PDCD6: variants seen among roughly 807,000 people sequenced by gnomAD.
The protein encoded by PDCD6 is programmed cell death 6, also known as programmed cell death protein 6.
A neutral mutation model predicts 28.3 loss-of-function variants in PDCD6; 12 were observed. The ratio of observed to expected loss-of-function variants is 0.42; its 90% CI spans 0.27 to 0.69. The LOEUF (loss-of-function observed/expected upper bound fraction) is 0.69. Ranked by LOEUF, PDCD6 falls within the 30% of genes least tolerant of loss-of-function variation. The pLI is 0.22. For missense variants in PDCD6, 226 were observed against 269.9 expected, an observed-to-expected ratio of 0.84 and a Z score of 1.14; for synonymous variants, 92 against 108.0, an observed-to-expected ratio of 0.85 and a Z score of 0.92.
chr5:287,314 A>T (rs1739033092), intron 2 of PDCD6, among the ~76,000 whole-genome samples: 1 of 152,138 alleles, frequency 6.6e-6, no homozygotes, highest in Non-Finnish European at 1.5e-5. Context: ...CACGGAGCCG[A>T]TGTTAGGGAA....
rs879427862 is a variant in PDCD6 at position 305,170 on chromosome 5, C to T, written c.208+949C>T. 6.6e-6 allele frequency: 1 copy of T among 152,406 alleles called. No individual in the cohort carries two copies. Among genetic ancestry groups the T allele is most frequent in the Admixed American group, 6.5e-5 (1 of 15,280 alleles). 9.4% of individuals were successfully genotyped at this position (152,406 alleles called of 1,614,324 possible). A position where few individuals can be genotyped will look rare whatever the true frequency, so the allele number is the denominator to read the frequency against. The stretch of plus-strand genomic sequence containing the variant: ...ACCCGACTTGATTTCTGGAAGGTTC[C>T]CTTTGCTGGGAGGTGCAGCCCCCTT... On this transcript the variant is annotated intron_variant, in intron 3 of 5. Transcript: ENST00000264933. This position sits in a 1 kb window ranked among gnomAD's most constrained non-coding sequence, Gnocchi z 4.0.
chr5:303,191 ATG>A (rs1740220482), intron 2 of PDCD6, among the ~76,000 whole-genome samples: 1 of 151,868 alleles, frequency 6.6e-6, no homozygotes, highest in East Asian at 1.9e-4. Context: ...CTAAGGGACC[ATG>A]CCAGCAGACC....
intron 2 of PDCD6, among the ~76,000 whole-genome samples, chr5:299,448 C>G (rs559374459): frequency 1.3e-5 from 2 of 151,362 alleles, no homozygotes; most frequent in East Asian, 4.0e-4. Context: ...GTGCTGATCT[C>G]TCGTTCCCAA....
chr5:298,168 G>C (rs73734207), intron 2 of PDCD6, among the ~76,000 whole-genome samples: 5 of 152,126 alleles, frequency 3.3e-5, no homozygotes, highest in South Asian at 2.1e-4. Flanking sequence ...GGCACGGGTC[G>C]AGCTGGAGAA....
chr5:299,588 C>G (rs1180226311), intron 2 of PDCD6, among the ~76,000 whole-genome samples: 1 of 150,424 alleles, frequency 6.6e-6, no homozygotes, highest in Non-Finnish European at 1.5e-5. Flanking sequence ...CTCACTTTGT[C>G]GCCCAGGCTG....
rs571179708 is a variant in PDCD6 at position 299,710 on chromosome 5, T to C, written c.164-4467T>C. 1.3e-3 allele frequency among the ~76,000 whole-genome samples: 201 copies of C among 152,226 alleles called. 1 individual carries two copies. Among genetic ancestry groups the C allele is most frequent in the Non-Finnish European group, 2.2e-3 (152 of 68,016 alleles). On this transcript the variant is annotated intron_variant, in intron 2 of 5. Coordinates refer to ENST00000264933, the MANE Select transcript of PDCD6 (RefSeq NM_013232.4). The stretch of plus-strand genomic sequence containing the variant: ...GACTACAGGCACACGCCGCCATGCC[T>C]GGCTAATTTTTTGTATTTTTAGTAG...
intron 5 of PDCD6, among the ~76,000 whole-genome samples, chr5:313,229 GTTT>G (rs1314489817): frequency 6.6e-6 from 1 of 152,160 alleles, no homozygotes; most frequent in Non-Finnish European, 1.5e-5. Context: ...CCTCAAAAAC[GTTT>G]TTATTTATCT....
At chr5:288,967 C>G in intron 2 of PDCD6, 1 of 1,422,114 alleles carries the variant, frequency 7.0e-7, no homozygotes, top group African/African-American at 1.4e-5. Context: ...TCAGAAGAAC[C>G]ACTACTTTCA....
intron 2 of PDCD6, among the ~76,000 whole-genome samples, chr5:280,302 A>G (rs1487749147): frequency 6.8e-6 from 1 of 147,528 alleles, no homozygotes; most frequent in East Asian, 1.9e-4. Context: ...TCCGGCAGGA[A>G]GGGAACAGCA....
rs897304187 is a variant in PDCD6, at chr5:307,878, G to A, written c.367+1118G>A. On this transcript the variant is annotated intron_variant, in intron 4 of 5. Coordinates refer to ENST00000264933, the MANE Select transcript of PDCD6 (RefSeq NM_013232.4). The surrounding 1 kb of genome is among the most constrained non-coding windows in gnomAD (Gnocchi z 6.1). ...CCTTACGAGCTTGTCCACAGGGCCG[G>A]GGGTGGACACTGGGTCTCCTCAAGA... Among the ~76,000 whole-genome samples the A allele has an allele frequency of 6.6e-6, 1 of 152,144 alleles. No homozygotes were observed. Among genetic ancestry groups the A allele is most frequent in the Non-Finnish European group, 1.5e-5 (1 of 68,028 alleles).
In PDCD6 at chr5:305,734, ACGT is replaced by A. The variant is rs1373006525; in HGVS notation, c.209-864_209-862del. ...ACAGCCCCTGGTCCACACACCACACACGTCGTGGAACGGTGCACGTCGTGGAAC... is the reference window on the plus strand; with the variant it reads ...ACAGCCCCTGGTCCACACACCACACACGTGGAACGGTGCACGTCGTGGAAC... On this transcript the variant is annotated intron_variant, in intron 3 of 5. Transcript: ENST00000264933. This position sits in a 1 kb window ranked among gnomAD's most constrained non-coding sequence, Gnocchi z 4.0. 6.6e-6 allele frequency: 1 copy of A among 152,208 alleles called. No homozygotes were observed. Among genetic ancestry groups the A allele is most frequent in the African/African-American group, 2.4e-5 (1 of 41,452 alleles). The allele number at this position is 152,208 out of a possible 1,614,324, so 9.4% of individuals were successfully genotyped here.
intron 2 of PDCD6, chr5:290,204 G>C (rs1402770259): frequency 9.6e-6 from 15 of 1,568,918 alleles, no homozygotes; most frequent in Non-Finnish European, 1.3e-5. Flanking sequence ...TGGGACCACT[G>C]AATCTGTTTC....
intron 2 of PDCD6, among the ~76,000 whole-genome samples, chr5:275,563 C>G (rs755554063): frequency 5.9e-5 from 9 of 152,300 alleles, no homozygotes; most frequent in Middle Eastern, 3.4e-3. Flanking sequence ...TAGAAGTAAA[C>G]TTTATGACAT....
At chr5:290,094 A>G in intron 2 of PDCD6, 1 of 1,571,286 alleles carries the variant, frequency 6.4e-7, no homozygotes, top group Non-Finnish European at 8.8e-7. Context: ...CAAAGGGAAT[A>G]TATTCGACAT....
At chr5:300,116 A>T (rs986764803) in intron 2 of PDCD6, among the ~76,000 whole-genome samples, 4 of 152,176 alleles carry the variant, frequency 2.6e-5, no homozygotes, top group African/African-American at 9.7e-5. Flanking sequence ...GCACGTTCCC[A>T]GGAGGGGCCC....
chr5:297,088 G>A (rs1389338465), intron 2 of PDCD6, among the ~76,000 whole-genome samples: 4 of 152,194 alleles, frequency 2.6e-5, no homozygotes, highest in Non-Finnish European at 5.9e-5. Flanking sequence ...CCGGGCAGTC[G>A]CAGGCCTCCC....
rs1459838207 is a variant in PDCD6, at chr5:307,571, A to G, written c.367+811A>G. Among the ~76,000 whole-genome samples the G allele has an allele frequency of 2.0e-5, 3 of 152,112 alleles. No homozygotes were observed. The highest frequency in any genetic ancestry group is 3.2e-3 in the Middle Eastern group (1 of 316). On this transcript the variant is annotated intron_variant, in intron 4 of 5. Coordinates refer to ENST00000264933, the MANE Select transcript of PDCD6 (RefSeq NM_013232.4). The surrounding 1 kb of genome is among the most constrained non-coding windows in gnomAD (Gnocchi z 6.1). Reference sequence around the variant, plus strand: ...GCTGCTCTCAGGGCTGAGAGGAAGCAGGGGTTTTATTTACAGAGGAACAAC... The same window carrying G: ...GCTGCTCTCAGGGCTGAGAGGAAGCGGGGGTTTTATTTACAGAGGAACAAC...
At chr5:287,118 G>A (rs942338543) in intron 2 of PDCD6, among the ~76,000 whole-genome samples, 3 of 151,984 alleles carry the variant, frequency 2.0e-5, no homozygotes, top group African/African-American at 2.4e-5. Context: ...CTGGTGCTGC[G>A]GTTCAAGTCT....
intron 2 of PDCD6, among the ~76,000 whole-genome samples, chr5:285,277 G>T (rs199858166): frequency 6.6e-6 from 1 of 151,334 alleles, no homozygotes; most frequent in East Asian, 2.0e-4. Context: ...TGCAGCTGGA[G>T]ACCCGGGGGG....
Sources: allele counts gnomAD v4.1 joint callset (sites outside exome capture counted in the v4.1 genomes callset), GRCh38; gene constraint gnomAD v4.1.1; non-coding constraint Gnocchi (gnomAD v3.1); transcripts MANE v1.5; gene names NCBI Gene and HGNC (gene_info 2026-07-23, HGNC 2026-07-21).